LRMDA: variants seen among roughly 807,000 people sequenced by gnomAD.
LRMDA encodes the protein leucine rich melanocyte differentiation associated, also known as leucine-rich melanocyte differentiation-associated protein.
In LRMDA, 18 loss-of-function variants were observed where a neutral mutation model predicts 29.8. That is an observed-to-expected ratio of 0.60 (90% CI 0.42 to 0.90). The LOEUF is 0.90. Ranked by LOEUF, LRMDA falls within the 40% of genes least tolerant of loss-of-function variation. LRMDA has a pLI of 0.00. For missense variants in LRMDA, 273 were observed against 273.9 expected, an observed-to-expected ratio of 1.00 and a Z score of 0.02; for synonymous variants, 125 against 109.4, an observed-to-expected ratio of 1.14 and a Z score of -0.89.
At chr10:75,720,736 G>C (rs549130891) in intron 2 of LRMDA, among the ~76,000 whole-genome samples, 2 of 152,266 alleles carry the variant, frequency 1.3e-5, no homozygotes, top group Admixed American at 1.3e-4. Context: ...CGCATCTACT[G>C]GGTGACTAGA....
chr10:75,631,859 G>A (rs1841327785), intron 2 of LRMDA, among the ~76,000 whole-genome samples: 2 of 152,186 alleles, frequency 1.3e-5, no homozygotes, highest in Admixed American at 1.3e-4. Flanking sequence ...GGAGGGTAAA[G>A]CTGTTTCCAT....
intron 2 of LRMDA, among the ~76,000 whole-genome samples, chr10:75,690,992 TATACACACACACACACAC>T (rs1175719586): frequency 7.4e-5 from 7 of 94,054 alleles, no homozygotes; most frequent in African/African-American, 2.3e-4. Context: ...TATATATATA[TATACACACACACACACAC>T]ACACACACAC....
intron 2 of LRMDA, among the ~76,000 whole-genome samples, chr10:75,491,880 G>A (rs564965233): frequency 5.3e-5 from 8 of 152,230 alleles, no homozygotes; most frequent in Admixed American, 3.9e-4. Context: ...AATGTAAGAG[G>A]CAAAACAATT....
At chr10:76,156,158 G>C (rs1052627232) in intron 5 of LRMDA, among the ~76,000 whole-genome samples, 4 of 152,088 alleles carry the variant, frequency 2.6e-5, no homozygotes, top group African/African-American at 7.2e-5. Context: ...TGGAAGTGTC[G>C]GTGTTATTGT....
intron 2 of LRMDA, among the ~76,000 whole-genome samples, chr10:75,633,862 G>T (rs1841357829): frequency 6.6e-6 from 1 of 152,190 alleles, no homozygotes; most frequent in South Asian, 2.1e-4. Context: ...TGGAATATGG[G>T]TGAGAAAGCA....
chr10:76,258,253 C>T (rs1280575860), intron 5 of LRMDA, among the ~76,000 whole-genome samples: 1 of 152,140 alleles, frequency 6.6e-6, no homozygotes, highest in Non-Finnish European at 1.5e-5. Flanking sequence ...CAGTAATTTC[C>T]ATCTTCATAC....
intron 5 of LRMDA, among the ~76,000 whole-genome samples, chr10:76,108,899 C>G (rs147064569): frequency 6.6e-6 from 1 of 152,302 alleles, no homozygotes; most frequent in African/African-American, 2.4e-5. Context: ...TGCAAAGATA[C>G]TTTTTCTGTT....
intron 2 of LRMDA, among the ~76,000 whole-genome samples, chr10:75,598,672 C>T (rs1281077893): frequency 6.6e-6 from 1 of 152,170 alleles, no homozygotes; most frequent in African/African-American, 2.4e-5. Context: ...GCTTGCCTCG[C>T]GTACGACTCC....
At chr10:75,574,024 C>G (rs1199734418) in intron 2 of LRMDA, among the ~76,000 whole-genome samples, 1 of 151,904 alleles carries the variant, frequency 6.6e-6, no homozygotes, top group Admixed American at 6.6e-5. Context: ...AAACAGCATG[C>G]CTCCTGGACT....
intron 2 of LRMDA, among the ~76,000 whole-genome samples, chr10:76,033,958 C>T (rs115885317): frequency 0.012 from 1,862 of 151,524 alleles, 39 homozygotes; most frequent in African/African-American, 0.035. Flanking sequence ...GGAAACAAAA[C>T]AGTGAATAAA....
At position 75,652,014 on chromosome 10, in the gene LRMDA, T is replaced by C. The variant is rs185271050; in HGVS notation, c.131+213520T>C. Among the ~76,000 whole-genome samples, 134 of 152,364 alleles carry C rather than the reference T, an allele frequency of 8.8e-4. No homozygotes were observed. In the Middle Eastern group the frequency reaches 0.014, roughly 15 times the overall value. On this transcript the variant is annotated intron_variant, in intron 2 of 6. Transcript: ENST00000611255. Reference sequence around the variant, plus strand: ...AAATCTTGGCTTGTTTTCCAGGCCATGAATTTAATTTCTCATTGCTTCACC... The same window carrying C: ...AAATCTTGGCTTGTTTTCCAGGCCACGAATTTAATTTCTCATTGCTTCACC...
chr10:75,827,463 A>G (rs1844266627), intron 2 of LRMDA, among the ~76,000 whole-genome samples: 2 of 152,136 alleles, frequency 1.3e-5, no homozygotes, highest in African/African-American at 2.4e-5. Flanking sequence ...GTGATTTTTT[A>G]TACAGGATTC....
intron 2 of LRMDA, among the ~76,000 whole-genome samples, chr10:75,475,228 C>A (rs750021858): frequency 6.6e-6 from 1 of 152,128 alleles, no homozygotes; most frequent in Non-Finnish European, 1.5e-5. Flanking sequence ...TCCCTCTGGT[C>A]CCAGTTGCTT....
intron 6 of LRMDA, among the ~76,000 whole-genome samples, chr10:76,377,063 G>A (rs376720988): frequency 7.8e-4 from 118 of 151,072 alleles, no homozygotes; most frequent in African/African-American, 2.8e-3. Flanking sequence ...TTTTTTGTAT[G>A]TTTAGTAGAG....
At chr10:75,995,661 C>G (rs1231900476) in intron 2 of LRMDA, among the ~76,000 whole-genome samples, 1 of 152,124 alleles carries the variant, frequency 6.6e-6, no homozygotes, top group South Asian at 2.1e-4. Flanking sequence ...ATAAATGTGC[C>G]TTGAATTATT....
chr10:76,396,350 C>T lies in LRMDA; in HGVS notation c.601+71865C>T, dbSNP rs141225435. ...GCCTAGCCAAAGGATCTGTGGTGAT[C>T]GGGAGTCATAAATCAGATATGAGAG... On this transcript the variant is annotated intron_variant, in intron 6 of 6. Coordinates refer to ENST00000611255, the MANE Select transcript of LRMDA (RefSeq NM_001305581.2). Among the ~76,000 whole-genome samples the T allele has an allele frequency of 3.5e-3, 529 of 152,188 alleles. 5 individuals carry two copies. The highest frequency in any genetic ancestry group is 6.8e-3 in the Middle Eastern group (2 of 294).
chr10:76,323,693 G>T (rs1840799429), intron 5 of LRMDA, among the ~76,000 whole-genome samples: 1 of 152,142 alleles, frequency 6.6e-6, no homozygotes, highest in African/African-American at 2.4e-5. Context: ...AGCCTTAGCA[G>T]CCTGGGCCAT....
intron 2 of LRMDA, among the ~76,000 whole-genome samples, chr10:75,854,656 G>A (rs1275059135): frequency 1.3e-5 from 2 of 152,042 alleles, no homozygotes; most frequent in African/African-American, 4.8e-5. Flanking sequence ...CCATGTTGGT[G>A]TGCTGCACCC....
intron 2 of LRMDA, among the ~76,000 whole-genome samples, chr10:76,032,359 A>G (rs1310403691): frequency 1.3e-5 from 2 of 152,158 alleles, no homozygotes; most frequent in African/African-American, 2.4e-5. Context: ...TGCTGTTTTC[A>G]TAAGCTAATG....
Sources: gnomAD v4.1 joint callset for allele counts (sites outside exome capture counted in the v4.1 genomes callset) on GRCh38, gnomAD v4.1.1 for gene constraint, MANE v1.5 for transcripts, NCBI Gene and HGNC (gene_info 2026-07-23, HGNC 2026-07-21) for gene names.